The following CSF2RA variants were observed in gnomAD, a reference collection of about 807,000 sequenced individuals.
CSF2RA encodes granulocyte-macrophage colony-stimulating factor receptor subunit alpha.
A neutral mutation model predicts 51.6 loss-of-function variants in CSF2RA; 42 were observed. The observed-to-expected ratio is 0.81, with a 90% confidence interval of 0.64 to 1.05. The LOEUF (loss-of-function observed/expected upper bound fraction) is 1.05. Ranked by LOEUF, CSF2RA falls within the 50% of genes least tolerant of loss-of-function variation. The pLI, the probability that CSF2RA is intolerant of heterozygous loss-of-function variation, is 0.00. For missense variants in CSF2RA, 530 were observed against 501.1 expected (o/e 1.06, Z -0.55); for synonymous variants, 222 against 193.0 (o/e 1.15, Z -1.24).
chrX:1,282,555 G>T, intron 2 of CSF2RA, 123 bp from the exon 3 acceptor site: 2 of 779,550 alleles, frequency 2.6e-6, no homozygotes, highest in South Asian at 2.8e-5. Context: ...CCCCTCATTT[G>T]ACCAGGTCAG....
At chrX:1,314,346 C>CCCAACCACACAGCAT (rs2084354926), downstream of CSF2RA, among the ~76,000 whole-genome samples, 1 of 136,360 alleles carries the variant, frequency 7.3e-6, no homozygotes, top group Admixed American at 7.6e-5. Context: ...CCCCACTGCG[C>CCCAACCACACAGCAT]CTGCCCAACC....
At chrX:1,309,373 C>G (rs745890715) in intron 12 of CSF2RA, 29 bp from the exon 13 acceptor site, 1 of 1,607,782 alleles carries the variant, frequency 6.2e-7, no homozygotes, top group Non-Finnish European at 8.5e-7. Flanking sequence ...TCGTGAAGAT[C>G]TGACAGCCTG....
the CSF2RA span, among the ~76,000 whole-genome samples, chrX:1,324,631 G>A: frequency 6.6e-6 from 1 of 152,020 alleles, no homozygotes; most frequent in African/African-American, 2.4e-5. Context: ...AAAGAAAAAA[G>A]AAAAAGGACA....
At chrX:1,308,669 T>C (rs1287532154) in intron 12 of CSF2RA, among the ~76,000 whole-genome samples, 1 of 152,040 alleles carries the variant, frequency 6.6e-6, no homozygotes, top group Admixed American at 6.6e-5. Context: ...GACCTGGCCA[T>C]CTGTCATTCC....
intron 2 of CSF2RA, among the ~76,000 whole-genome samples, chrX:1,277,637 G>GCAAAGC (rs370421258): frequency 0.024 from 3,546 of 144,872 alleles, 160 homozygotes; most frequent in African/African-American, 0.086. Context: ...AGTCAGCAGT[G>GCAAAGC]CAAAGCCAAA....
At chrX:1,304,514 A>T (rs1164625281) in intron 11 of CSF2RA, among the ~76,000 whole-genome samples, 1 of 151,474 alleles carries the variant, frequency 6.6e-6, no homozygotes, top group Non-Finnish European at 1.5e-5. Context: ...ATGGGAATGG[A>T]ACAGGCAGTC....
downstream of CSF2RA, among the ~76,000 whole-genome samples, chrX:1,313,768 C>G (rs1387735741): frequency 6.6e-6 from 1 of 151,816 alleles, no homozygotes; most frequent in Admixed American, 6.6e-5. Context: ...GTGGGCAGAT[C>G]ACCTGAGGTC....
chrX:1,308,288 G>A (rs28416357), intron 12 of CSF2RA, among the ~76,000 whole-genome samples: 103,141 of 151,690 alleles, frequency 0.68, 36,571 homozygotes, highest in East Asian at 0.85. Flanking sequence ...AGAGATGAAA[G>A]AGAAACAGAG....
downstream of CSF2RA, chrX:1,310,081 G>C (rs781087295): frequency 4.9e-4 from 162 of 329,348 alleles, no homozygotes; most frequent in Middle Eastern, 4.6e-3. Context: ...TGTAGTGCCA[G>C]CTATCTGGGA....
the CSF2RA span, among the ~76,000 whole-genome samples, chrX:1,322,099 A>ATTATTTATTTATTTAT: frequency 0.099 from 14,533 of 146,524 alleles, 891 homozygotes; most frequent in Non-Finnish European, 0.13. Context: ...ATAACATCCT[A>ATTATTTATTTATTTAT]TTATTTATTT....
chrX:1,282,890 T>A, intron 3 of CSF2RA, 111 bp downstream of exon 3: 2 of 966,128 alleles, frequency 2.1e-6, no homozygotes. Flanking sequence ...CTAATGTTTA[T>A]GAGGGACCCA....
Position 1,305,447 on chromosome X carries a change from T to C in CSF2RA, c.1045T>C (p.Phe349Leu), listed in dbSNP as rs1261417012. 1.2e-5 allele frequency: 20 copies of C among 1,613,834 alleles called. No individual in the cohort carries two copies. Among genetic ancestry groups the C allele is most frequent in the Non-Finnish European group, 1.6e-5 (19 of 1,179,876 alleles). ...TCACACTTTTTCTCTGTGTCTCAGG[T>C]TCCTTAGGATACAGCGGCTGTTCCC... ...GIVLGFLFKR[F>L]LRIQRLFPPV... The change falls in exon 12 of 13, where the codon TTC becomes CTC. Residue 349 changes from phenylalanine (F) to leucine (L), a missense_variant and splice_region_variant. Phe to Leu is a conservative substitution (Grantham distance 22). Transcript: ENST00000381529.
chrX:1,322,644 GC>G, the CSF2RA span, among the ~76,000 whole-genome samples: 1 of 151,550 alleles, frequency 6.6e-6, no homozygotes, highest in Non-Finnish European at 1.5e-5. Flanking sequence ...TCTCCTGAAC[GC>G]CCCTGGCTCA....
At chrX:1,310,667 C>CAAA (rs542174861), downstream of CSF2RA, among the ~76,000 whole-genome samples, 8 of 121,618 alleles carry the variant, frequency 6.6e-5, no homozygotes, top group African/African-American at 1.4e-4. Context: ...GACTCCATCT[C>CAAA]AAAAAAAAAA....
chrX:1,304,219 TAA>T, intron 11 of CSF2RA, among the ~76,000 whole-genome samples, 200 bp downstream of exon 11: 1 of 53,268 alleles, frequency 1.9e-5, no homozygotes, highest in African/African-American at 1.0e-4. Context: ...CCATCCTGGC[TAA>T]CACAGTGAAA....
chrX:1,287,298 T>A (rs772297051), intron 4 of CSF2RA: 1 of 150,962 alleles, frequency 6.6e-6, no homozygotes, highest in Non-Finnish European at 1.5e-5. Flanking sequence ...GGATTACAGG[T>A]GCGTGCCACC....
At chrX:1,322,244 G>A in the CSF2RA span, among the ~76,000 whole-genome samples, 7 of 150,108 alleles carry the variant, frequency 4.7e-5, no homozygotes, top group East Asian at 2.0e-4. Flanking sequence ...TAGCTGGGAC[G>A]ACAGGTGCCC....
chrX:1,322,183 G>A, the CSF2RA span, among the ~76,000 whole-genome samples: 3 of 151,696 alleles, frequency 2.0e-5, no homozygotes, highest in African/African-American at 4.8e-5. Context: ...TCTGGTCAAC[G>A]CAACCTCCAC....
At chrX:1,286,571 A>C (rs1232576100) in intron 4 of CSF2RA, among the ~76,000 whole-genome samples, 1 of 12,906 alleles carries the variant, frequency 7.7e-5, no homozygotes, top group Non-Finnish European at 1.5e-4. Flanking sequence ...CTCTGTCTCC[A>C]AAAAAAAAAA....
Sources: allele counts gnomAD v4.1 joint callset (sites outside exome capture counted in the v4.1 genomes callset), GRCh38; gene constraint gnomAD v4.1.1; transcripts MANE v1.5; gene names NCBI Gene and HGNC (gene_info 2026-07-23, HGNC 2026-07-21).